DOCK8: variants seen among roughly 807,000 people sequenced by gnomAD.
DOCK8 encodes dedicator of cytokinesis protein 8.
In DOCK8, 141 loss-of-function variants were observed where a neutral mutation model predicts 245.6. The observed-to-expected ratio is 0.57, with a 90% CI of 0.50 to 0.66. The LOEUF is 0.66. DOCK8 is among the 30% of genes least tolerant of loss of function. The pLI, the probability that DOCK8 is intolerant of heterozygous loss-of-function variation, is 0.00. For synonymous variants in DOCK8, 1,168 were observed against 970.2 expected (o/e 1.20, Z -3.79); for missense variants, 2,965 against 2,603.4 (o/e 1.14, Z -3.02).
chr9:406,542 A>G lies in DOCK8; in HGVS notation c.3391-388A>G, dbSNP rs554636499. 7.9e-5 allele frequency among the ~76,000 whole-genome samples: 12 copies of G among 151,514 alleles called. No individual in the cohort carries two copies. In the South Asian group the frequency reaches 1.7e-3, roughly 21 times the overall value. Reference sequence around the variant, plus strand: ...ACCTGAGTAAGCAGGGCCTTAAACAAAGGGGGCATTTGGTTACAGAGGAAT... The same window carrying G: ...ACCTGAGTAAGCAGGGCCTTAAACAGAGGGGGCATTTGGTTACAGAGGAAT... On this transcript the variant is annotated intron_variant, in intron 27 of 47. Transcript: ENST00000432829.
chr9:369,472 T>C (rs1198533725), intron 15 of DOCK8: 1 of 152,390 alleles, frequency 6.6e-6, no homozygotes, highest in Non-Finnish European at 1.5e-5. Context: ...TCATAATGCA[T>C]CCTAAATGCT....
intron 38 of DOCK8, among the ~76,000 whole-genome samples, chr9:434,351 G>T (rs181253867): frequency 6.6e-6 from 1 of 151,914 alleles, no homozygotes; most frequent in Admixed American, 6.6e-5. Context: ...CATTTTTTAC[G>T]CGTAGTTTAA....
intron 2 of DOCK8, among the ~76,000 whole-genome samples, chr9:285,047 A>G (rs1295176436): frequency 1.3e-5 from 2 of 152,110 alleles, no homozygotes; most frequent in Non-Finnish European, 2.9e-5. Context: ...CCATGACATG[A>G]CTTTAGCTAT....
rs1419756382 is a variant in DOCK8 at position 396,772 on chromosome 9, TC to T, written c.2971-8del. On this transcript the variant is annotated splice_polypyrimidine_tract_variant and intron_variant, in intron 24 of 47. Coordinates refer to ENST00000432829, the MANE Select transcript of DOCK8 (RefSeq NM_203447.4). ...AATCTCCATGTTGACATTTCCTCCA[TC>T]CCCCTCCGCAGGTGAAAAGCATGGC... is the stretch of plus-strand genomic sequence containing the variant. 1 of 1,613,554 alleles carries T rather than the reference TC, an allele frequency of 6.2e-7. No homozygotes were observed. The highest frequency in any genetic ancestry group is 8.5e-7 in the Non-Finnish European group (1 of 1,179,846).
At chr9:247,834 A>G (rs2047542091) in intron 1 of DOCK8, among the ~76,000 whole-genome samples, 1 of 152,138 alleles carries the variant, frequency 6.6e-6, no homozygotes, top group African/African-American at 2.4e-5. Flanking sequence ...GTTTGTTTCA[A>G]AAGTGTGTTA....
At chr9:361,417 TAAG>T (rs761972900) in intron 14 of DOCK8, among the ~76,000 whole-genome samples, 2 of 152,224 alleles carry the variant, frequency 1.3e-5, no homozygotes, top group African/African-American at 2.4e-5. Flanking sequence ...ACAATCCTGG[TAAG>T]AAGATCATCT....
intron 41 of DOCK8, 38 bp downstream of exon 41, chr9:441,455 G>C (rs891842148): frequency 6.2e-7 from 1 of 1,613,690 alleles, no homozygotes; most frequent in East Asian, 2.2e-5. Flanking sequence ...TTGTTACCTG[G>C]TGGCAGGCGA....
At chr9:377,655 T>C (rs1053056871) in intron 20 of DOCK8, among the ~76,000 whole-genome samples, 6 of 152,212 alleles carry the variant, frequency 3.9e-5, no homozygotes, top group African/African-American at 1.2e-4. Flanking sequence ...TATTTTAAAG[T>C]GTATAGTTCA....
chr9:265,469 T>G (rs543379), intron 1 of DOCK8, among the ~76,000 whole-genome samples: 86,341 of 152,026 alleles, frequency 0.57, 24,745 homozygotes, highest in East Asian at 0.79. Context: ...CACTGTATTT[T>G]TGGAGTGTTT....
chr9:238,671 C>G (rs908718569), intron 1 of DOCK8, among the ~76,000 whole-genome samples: 26 of 152,118 alleles, frequency 1.7e-4, no homozygotes, highest in Non-Finnish European at 1.5e-4. Context: ...TGGATATAAA[C>G]AAGAGTTAAG....
chr9:334,126 T>G (rs2051190896), intron 10 of DOCK8, 99 bp from the exon 11 acceptor site: 1 of 1,317,780 alleles, frequency 7.6e-7, no homozygotes, highest in African/African-American at 1.5e-5. Context: ...TTTTAATCAG[T>G]AGGGTTTGGA....
intron 1 of DOCK8, among the ~76,000 whole-genome samples, chr9:245,771 A>G (rs769281627): frequency 1.3e-5 from 2 of 152,228 alleles, no homozygotes; most frequent in Non-Finnish European, 2.9e-5. Flanking sequence ...TTCTTCTCAC[A>G]TAATTCCAGG....
intron 1 of DOCK8, chr9:215,567 T>TTTTA: frequency 1.1e-6 from 1 of 913,920 alleles, no homozygotes; most frequent in Non-Finnish European, 1.5e-6. Flanking sequence ...GCATCGCTAT[T>TTTTA]TTTATACCCT....
chr9:400,995 C>CCACCACCACCTCCTTCACCAT (rs2055052725), intron 26 of DOCK8, among the ~76,000 whole-genome samples: 1 of 54,636 alleles, frequency 1.8e-5, no homozygotes, highest in Non-Finnish European at 2.9e-5. Flanking sequence ...TCCTCCACCA[C>CCACCACCACCTCCTTCACCAT]CACCACCATT....
At position 452,075 on chromosome 9, in the gene DOCK8, A is replaced by G. The variant is rs771105925; in HGVS notation, c.6026A>G (p.His2009Arg). 4.7e-5 allele frequency: 76 copies of G among 1,610,762 alleles called. No homozygotes were observed. The highest frequency in any genetic ancestry group is 6.4e-5 in the Non-Finnish European group (75 of 1,178,730). Residue 2009 changes from histidine to arginine, a missense_variant, in exon 46 of 48, where the codon CAT becomes CGT. Around this residue, in one of 3 missense-constraint regions of DOCK8, gnomAD observed 134 missense variants for 128.1 expected, o/e 1.05. Transcript: ENST00000432829. ...EIPADPKLYR[H>R]HNKLRLCFKE... ...CCTGCTGATCCAAAACTCTATCGACATCACAACAAGTTGAGGTTATGCTTT... is the reference window on the plus strand; with the variant it reads ...CCTGCTGATCCAAAACTCTATCGACGTCACAACAAGTTGAGGTTATGCTTT...
chr9:364,238 A>G (rs1009543266), intron 14 of DOCK8, among the ~76,000 whole-genome samples: 2 of 152,206 alleles, frequency 1.3e-5, no homozygotes, highest in Non-Finnish European at 2.9e-5. Flanking sequence ...ACCCATTAAA[A>G]TCATGTTTAT....
intron 18 of DOCK8, among the ~76,000 whole-genome samples, chr9:372,940 A>C (rs2053362453): frequency 3.9e-5 from 6 of 151,952 alleles, no homozygotes. Context: ...CGAGGCAGGC[A>C]GATCACTTGA....
rs16927913 is a variant in DOCK8 at position 312,802 on chromosome 9, T to C, written c.741+636T>C. On this transcript the variant is annotated intron_variant, in intron 6 of 47. Transcript: ENST00000432829. ...AGAGGTGACGATTATTCAAGCCTTT[T>C]GTCTGTTTGAACTCCTTATACTGTA... 8.1e-3 allele frequency: 2,515 copies of C among 308,774 alleles called. 69 individuals carry two copies. The highest frequency in any genetic ancestry group is 0.051 in the African/African-American group (2,329 of 45,650). 19.1% of individuals were successfully genotyped at this position (308,774 alleles called of 1,614,324 possible). A position where few individuals can be genotyped will look rare whatever the true frequency, so the allele number is the denominator to read the frequency against.
chr9:428,210 A>T lies in DOCK8; in HGVS notation c.4339-152A>T, dbSNP rs969408713. On this transcript the variant is annotated intron_variant, in intron 34 of 47. Transcript: ENST00000432829. ...ATTTGGAAATAGGTCTTCAGTTCCC[A>T]TGGTTAATGGATGATACCCATGGTG... The T allele has an allele frequency of 8.0e-5, 96 of 1,204,908 alleles. No individual in the cohort carries two copies. The African/African-American group carries it at 1.2e-3, about 15-fold the overall frequency. The allele number at this position is 1,204,908 out of a possible 1,614,324, so 74.6% of individuals were successfully genotyped here.
Sources: gnomAD v4.1 joint callset for allele counts (sites outside exome capture counted in the v4.1 genomes callset) on GRCh38, gnomAD v4.1.1 for gene constraint, gnomAD v4.1.1 regional missense constraint, MANE v1.5 for transcripts, NCBI Gene and HGNC (gene_info 2026-07-23, HGNC 2026-07-21) for gene names.